Variants in WDR49 observed in about 807,000 individuals in gnomAD.
WDR49 encodes WD repeat domain 49.
In WDR49, 107 loss-of-function variants were observed where a neutral mutation model predicts 119.5. The ratio of observed to expected loss-of-function variants is 0.90; its 90% CI spans 0.77 to 1.05. The LOEUF is 1.05. Ranked by LOEUF, WDR49 falls within the 50% of genes least tolerant of loss-of-function variation. The pLI, the probability that WDR49 is intolerant of heterozygous loss-of-function variation, is 0.00. For missense variants in WDR49, 1,240 were observed against 1,220.5 expected, an observed-to-expected ratio of 1.02 and a Z score of -0.24; for synonymous variants, 425 against 418.8, an observed-to-expected ratio of 1.01 and a Z score of -0.18.
At chr3:167,544,328 T>C (rs1202106228) in intron 10 of WDR49, among the ~76,000 whole-genome samples, 1 of 152,064 alleles carries the variant, frequency 6.6e-6, no homozygotes, top group Non-Finnish European at 1.5e-5. Flanking sequence ...AAAATTCATA[T>C]TGAACCTAAA....
At chr3:167,479,167 GC>G (rs937637101) in intron 18 of WDR49, among the ~76,000 whole-genome samples, 171 bp from the exon 19 acceptor site, 2 of 152,072 alleles carry the variant, frequency 1.3e-5, no homozygotes, top group Non-Finnish European at 2.9e-5. Context: ...TCTGTTTACT[GC>G]AATTTACATC....
At chr3:167,565,934 T>C (rs1713569089) in intron 8 of WDR49, among the ~76,000 whole-genome samples, 1 of 152,192 alleles carries the variant, frequency 6.6e-6, no homozygotes, top group Non-Finnish European at 1.5e-5. Context: ...CATTTGTTCT[T>C]AACAAAAATT....
Position 167,528,022 on chromosome 3 carries a change from A to AT in WDR49, c.2407-6dup. ...ACTGGAGTTAAGACAGTACTCCTGA[A>AT]TGAAAAGAAATACCAGAACTCTAAA... On this transcript the variant is annotated splice_region_variant and splice_polypyrimidine_tract_variant and intron_variant, in intron 14 of 18. Coordinates refer to ENST00000682715, the MANE Select transcript of WDR49 (RefSeq NM_001366157.1). The AT allele has an allele frequency of 6.2e-7, 1 of 1,607,624 alleles. No homozygotes were observed.
At chr3:167,486,827 C>A (rs1295963448) in intron 18 of WDR49, among the ~76,000 whole-genome samples, 6 of 151,942 alleles carry the variant, frequency 3.9e-5, no homozygotes, top group African/African-American at 1.4e-4. Flanking sequence ...ATCTTCAAGG[C>A]AGAAAACTAA....
chr3:167,534,624 G>T (rs1752960720), intron 11 of WDR49, among the ~76,000 whole-genome samples: 1 of 152,068 alleles, frequency 6.6e-6, no homozygotes, highest in South Asian at 2.1e-4. Context: ...ATCTTTTCCT[G>T]TAAGTTTTCA....
intron 5 of WDR49, among the ~76,000 whole-genome samples, chr3:167,610,035 T>A (rs916740567): frequency 1.3e-5 from 2 of 152,162 alleles, no homozygotes; most frequent in Admixed American, 1.3e-4. Context: ...TGATGCAATA[T>A]CCAGGTATTA....
In WDR49 at chr3:167,527,850, GAC is replaced by G; in HGVS notation, c.2572_2573del (p.Val858LeufsTer17). The G allele has an allele frequency of 2.5e-6, 4 of 1,612,932 alleles. No individual in the cohort carries two copies. The highest frequency in any genetic ancestry group is 3.4e-6 in the Non-Finnish European group (4 of 1,179,360). The stretch of plus-strand genomic sequence containing the variant: ...CAAAGATCCAAACAGGAGCATTGCA[GAC>G]ACCAGTCACACAAATACTGCAGTCT... ...SADCSICVTG[V>X]CNAPVWIFGQ... is the part of the protein sequence containing the mutation. On this transcript the variant is annotated frameshift_variant, in exon 15 of 19. Transcript: ENST00000682715. LOFTEE classifies it high-confidence loss of function.
chr3:167,501,940 G>A (rs1005134043), intron 17 of WDR49, among the ~76,000 whole-genome samples: 1 of 152,118 alleles, frequency 6.6e-6, no homozygotes, highest in African/African-American at 2.4e-5. Context: ...CATATTTTCT[G>A]ACTAATATAG....
At chr3:167,526,781 G>A (rs1752648616) in intron 15 of WDR49, among the ~76,000 whole-genome samples, 1 of 152,056 alleles carries the variant, frequency 6.6e-6, no homozygotes, top group Non-Finnish European at 1.5e-5. Flanking sequence ...TCATCAAACT[G>A]ACTTTACAAA....
At chr3:167,566,770 G>C in intron 8 of WDR49, 1 of 570,624 alleles carries the variant, frequency 1.8e-6, no homozygotes. Flanking sequence ...TTACAACAAA[G>C]TAAGCTAGAG....
upstream of WDR49, among the ~76,000 whole-genome samples, chr3:167,654,356 C>T (rs74809136): frequency 2.5e-3 from 387 of 151,860 alleles, 22 homozygotes; most frequent in East Asian, 0.072. Flanking sequence ...AAAAAGCTTC[C>T]AACTTGTTGA....
At chr3:167,519,118 A>T (rs1163718256) in intron 16 of WDR49, among the ~76,000 whole-genome samples, 1 of 152,100 alleles carries the variant, frequency 6.6e-6, no homozygotes, top group Non-Finnish European at 1.5e-5. Flanking sequence ...TAAAAAGTCA[A>T]GAAACAACAG....
intron 16 of WDR49, among the ~76,000 whole-genome samples, chr3:167,512,469 A>G (rs1451294214): frequency 6.6e-6 from 1 of 152,210 alleles, no homozygotes. Context: ...AGGAGCCTCA[A>G]AGATTGAAGG....
chr3:167,568,425 C>A (rs979678880), intron 8 of WDR49, among the ~76,000 whole-genome samples: 3 of 152,066 alleles, frequency 2.0e-5, no homozygotes, highest in African/African-American at 7.2e-5. Flanking sequence ...CAACCTGCAC[C>A]CACATAAGAC....
intron 2 of WDR49, among the ~76,000 whole-genome samples, chr3:167,645,852 C>G (rs945431157): frequency 2.6e-5 from 4 of 152,090 alleles, no homozygotes; most frequent in African/African-American, 7.2e-5. Flanking sequence ...AATGGCATTG[C>G]GTTAATCAGA....
intron 2 of WDR49, among the ~76,000 whole-genome samples, chr3:167,642,305 C>T (rs1717917292): frequency 6.6e-6 from 1 of 151,846 alleles, no homozygotes. Context: ...TGCAAAAAAA[C>T]TGCAAATAAG....
chr3:167,576,056 A>T lies in WDR49; in HGVS notation c.1371T>A (p.Phe457Leu), dbSNP rs1243783854. The T allele has an allele frequency of 6.2e-7, 1 of 1,614,096 alleles. No individual in the cohort carries two copies. The highest frequency in any genetic ancestry group is 1.3e-5 in the African/African-American group (1 of 74,942). The change falls in exon 8 of 19, where the codon TTT becomes TTA. Residue 457 changes from phenylalanine to leucine, a missense_variant. Physicochemically the swap from Phe to Leu is conservative, Grantham distance 22 (BLOSUM62 0). Transcript: ENST00000682715. ...KSQDFRCLFH[F>L]DEAHGRLFIS... ...TGAAAAGTCGTCCATGGGCTTCATC[A>T]AAGTGGAAGAGACATCTGAAGTCCT...
At chr3:167,479,025 G>A (rs761736168) in intron 18 of WDR49, 29 bp from the exon 19 acceptor site, 3 of 1,495,510 alleles carry the variant, frequency 2.0e-6, no homozygotes, top group Admixed American at 3.9e-5. Flanking sequence ...AATCACAAGT[G>A]AATTATATTT....
chr3:167,499,901 T>C (rs1391911695), intron 18 of WDR49, among the ~76,000 whole-genome samples: 1 of 152,194 alleles, frequency 6.6e-6, no homozygotes, highest in Non-Finnish European at 1.5e-5. Flanking sequence ...CATAGATACA[T>C]GTTCATGGCA....
Sources: allele counts gnomAD v4.1 joint callset (sites outside exome capture counted in the v4.1 genomes callset), GRCh38; gene constraint gnomAD v4.1.1; transcripts MANE v1.5; gene names NCBI Gene and HGNC (gene_info 2026-07-23, HGNC 2026-07-21).